DDX60: variants seen among roughly 807,000 people sequenced by gnomAD.
The protein encoded by DDX60 is DExD/H-box helicase 60, also known as probable ATP-dependent RNA helicase DDX60.
A neutral mutation model predicts 212.8 loss-of-function variants in DDX60; 165 were observed. The observed-to-expected ratio is 0.78, with a 90% CI of 0.68 to 0.88. The LOEUF (loss-of-function observed/expected upper bound fraction) is 0.88. DDX60 is among the 40% of genes least tolerant of loss of function. The pLI is 0.00. For missense variants in DDX60, 1,905 were observed against 2,003.9 expected (o/e 0.95, Z 0.94); for synonymous variants, 703 against 685.3 (o/e 1.03, Z -0.40).
intron 6 of DDX60, among the ~76,000 whole-genome samples, chr4:168,297,170 A>G (rs1198630180): frequency 6.6e-6 from 1 of 151,852 alleles, no homozygotes; most frequent in Admixed American, 6.6e-5. Flanking sequence ...TGGCCTCCCA[A>G]AGTGCTGGGA....
chr4:168,270,947 G>A (rs1186248952), intron 19 of DDX60, among the ~76,000 whole-genome samples: 1 of 128,836 alleles, frequency 7.8e-6, no homozygotes. Flanking sequence ...GTACGATCTT[G>A]GCTCACTGCA....
intron 10 of DDX60, among the ~76,000 whole-genome samples, chr4:168,286,423 G>GAGATAGATAGATAGAT (rs71977398): frequency 0.011 from 1,478 of 136,912 alleles, 32 homozygotes; most frequent in African/African-American, 0.035. Context: ...CACACCACAC[G>GAGATAGATAGATAGAT]AGATAGATAG....
chr4:168,245,096 T>C (rs144820221), intron 30 of DDX60, among the ~76,000 whole-genome samples: 23 of 152,320 alleles, frequency 1.5e-4, no homozygotes, highest in Middle Eastern at 3.4e-3. Context: ...GTAAATTTTA[T>C]ATGCATTTCA....
rs559748106 is a variant in DDX60, at chr4:168,291,636, T to C, written c.1041+112A>G. ...ACTGATGTAGCCCATTAAACTTTTATAGCCCCCAAGGGGCTAATAGTAGTC... is the reference window on the plus strand; with the variant it reads ...ACTGATGTAGCCCATTAAACTTTTACAGCCCCCAAGGGGCTAATAGTAGTC... On this transcript the variant is annotated intron_variant, in intron 8 of 37. Transcript: ENST00000393743. 640 of 929,532 alleles carry C rather than the reference T, an allele frequency of 6.9e-4. 1 individual carries two copies. The highest frequency in any genetic ancestry group is 2.5e-3 in the Middle Eastern group (8 of 3,216). 57.6% of individuals were successfully genotyped at this position (929,532 alleles called of 1,614,324 possible). A position where few individuals can be genotyped will look rare whatever the true frequency, so the allele number is the denominator to read the frequency against.
the DDX60 span, among the ~76,000 whole-genome samples, chr4:168,325,037 T>A: frequency 6.6e-6 from 1 of 152,178 alleles, no homozygotes; most frequent in African/African-American, 2.4e-5. Flanking sequence ...TTATAGCAGA[T>A]TTTTTTAAAA....
chr4:168,262,838 A>T, intron 22 of DDX60, 51 bp from the exon 23 acceptor site: 1 of 1,279,918 alleles, frequency 7.8e-7, no homozygotes. Context: ...TTTATGTCGT[A>T]TCCTTTGCCT....
At chr4:168,297,364 AAGAAAGAAAGAAAGAAAG>A (rs747869029) in intron 6 of DDX60, among the ~76,000 whole-genome samples, 3,445 of 61,528 alleles carry the variant, frequency 0.056, 363 homozygotes, top group African/African-American at 0.1. Flanking sequence ...GAAAGAAAGA[AAGAAAGAAAGAAAGAAAG>A]AGAAAGAAAG....
chr4:168,241,166 C>T lies in DDX60; in HGVS notation c.4165-3371G>A, dbSNP rs76022500. On this transcript the variant is annotated intron_variant, in intron 30 of 37. Transcript: ENST00000393743. ...TTGCATTCTGCCATGATTATGAGAC[C>T]TCCTCAGCCATGTGGAACTGTAAGT... Among the ~76,000 whole-genome samples, 742 of 152,318 alleles carry T rather than the reference C, an allele frequency of 4.9e-3. 8 individuals carry two copies. The highest frequency in any genetic ancestry group is 0.017 in the African/African-American group (717 of 41,554).
chr4:168,225,507 A>G, intron 34 of DDX60, 22 bp downstream of exon 34: 1 of 1,581,558 alleles, frequency 6.3e-7, no homozygotes, highest in Non-Finnish European at 8.6e-7. Context: ...ATTGTTCCAC[A>G]ATGGAGGTAA....
At chr4:168,221,207 C>T (rs1361232508) in intron 36 of DDX60, among the ~76,000 whole-genome samples, 1 of 152,076 alleles carries the variant, frequency 6.6e-6, no homozygotes, top group Non-Finnish European at 1.5e-5. Context: ...TGACAGAATG[C>T]CCCTCCCCAA....
intron 1 of DDX60, among the ~76,000 whole-genome samples, chr4:168,313,553 T>C (rs1031584340): frequency 6.6e-6 from 1 of 152,142 alleles, no homozygotes; most frequent in Admixed American, 6.5e-5. Flanking sequence ...ACTCTCCAAA[T>C]TGTACCAAGC....
At chr4:168,253,003 C>T (rs1298518164) in intron 26 of DDX60, among the ~76,000 whole-genome samples, 2 of 152,100 alleles carry the variant, frequency 1.3e-5, no homozygotes, top group Non-Finnish European at 2.9e-5. Flanking sequence ...CGGGGTTTCA[C>T]CATGTTGGCC....
intron 30 of DDX60, among the ~76,000 whole-genome samples, chr4:168,243,522 T>C (rs549174517): frequency 6.6e-6 from 1 of 152,226 alleles, no homozygotes; most frequent in African/African-American, 2.4e-5. Context: ...TCACCACTCA[T>C]TAGAGAAATT....
chr4:168,220,624 TC>T (rs1733020016), intron 37 of DDX60, 30 bp downstream of exon 37: 1 of 1,188,310 alleles, frequency 8.4e-7, no homozygotes, highest in Non-Finnish European at 1.2e-6. Context: ...TATTAAAAAA[TC>T]TAAAATCAAT....
At chr4:168,321,151 T>G (rs1163150670), upstream of DDX60, among the ~76,000 whole-genome samples, 4 of 152,148 alleles carry the variant, frequency 2.6e-5, no homozygotes, top group Admixed American at 1.3e-4. Context: ...TTTTTTTACT[T>G]TTTCACTTCA....
At chr4:168,296,238 A>T (rs1736337211) in intron 6 of DDX60, among the ~76,000 whole-genome samples, 1 of 152,222 alleles carries the variant, frequency 6.6e-6, no homozygotes, top group Admixed American at 6.5e-5. Flanking sequence ...ATATCAAAAC[A>T]AAACGTTGTA....
At chr4:168,257,309 C>T (rs1734453113) in intron 25 of DDX60, among the ~76,000 whole-genome samples, 1 of 150,920 alleles carries the variant, frequency 6.6e-6, no homozygotes, top group Non-Finnish European at 1.5e-5. Flanking sequence ...ACTCCATCGC[C>T]CTTCAAAAAA....
chr4:168,251,287 C>G (rs1734211325), intron 27 of DDX60, among the ~76,000 whole-genome samples, 181 bp from the exon 28 acceptor site: 1 of 152,176 alleles, frequency 6.6e-6, no homozygotes, highest in African/African-American at 2.4e-5. Context: ...AAAATCTTCC[C>G]ACTTCTTTGG....
chr4:168,282,029 G>T (rs1159963635), intron 13 of DDX60, among the ~76,000 whole-genome samples: 1 of 152,126 alleles, frequency 6.6e-6, no homozygotes, highest in East Asian at 1.9e-4. Flanking sequence ...CAAAAAAACT[G>T]AAAAGCAGTA....
Sources: allele counts gnomAD v4.1 joint callset (sites outside exome capture counted in the v4.1 genomes callset), GRCh38; gene constraint gnomAD v4.1.1; transcripts MANE v1.5; gene names NCBI Gene and HGNC (gene_info 2026-07-23, HGNC 2026-07-21).